ARHGAP26: variants seen among roughly 807,000 people sequenced by gnomAD.
ARHGAP26 encodes Rho GTPase activating protein 26.
Under a neutral mutation model 104.8 loss-of-function variants are expected in ARHGAP26, and 38 were observed. The observed-to-expected ratio is 0.36, with a 90% confidence interval of 0.28 to 0.48. The LOEUF is 0.48. Ranked by LOEUF, ARHGAP26 falls within the 20% of genes least tolerant of loss-of-function variation. The pLI is 0.99. For missense variants in ARHGAP26, 704 were observed against 947.9 expected (o/e 0.74, Z 3.38); for synonymous variants, 341 against 340.0 (o/e 1.00, Z -0.03).
At chr5:142,991,915 A>T (rs1481898563) in intron 11 of ARHGAP26, among the ~76,000 whole-genome samples, 1 of 152,218 alleles carries the variant, frequency 6.6e-6, no homozygotes, top group Non-Finnish European at 1.5e-5. Flanking sequence ...CTTCATGAAG[A>T]CTGTGCCAAT....
At chr5:142,825,637 C>G (rs749218177) in intron 1 of ARHGAP26, among the ~76,000 whole-genome samples, 2 of 152,156 alleles carry the variant, frequency 1.3e-5, no homozygotes, top group Non-Finnish European at 2.9e-5. Context: ...AATTCCTTAG[C>G]GGGACGATAC....
At chr5:143,100,194 C>T (rs964937769) in intron 17 of ARHGAP26, among the ~76,000 whole-genome samples, 28 of 152,084 alleles carry the variant, frequency 1.8e-4, no homozygotes, top group South Asian at 2.1e-4. Flanking sequence ...AATTGAGAGA[C>T]GTGAAATATC....
chr5:142,856,874 A>C (rs547803579), intron 1 of ARHGAP26, among the ~76,000 whole-genome samples: 1 of 152,334 alleles, frequency 6.6e-6, no homozygotes, highest in Non-Finnish European at 1.5e-5. Flanking sequence ...ACTAGTCCCC[A>C]TGGATCCCGA....
At chr5:142,884,133 A>G (rs1036816335) in intron 4 of ARHGAP26, among the ~76,000 whole-genome samples, 12 of 152,238 alleles carry the variant, frequency 7.9e-5, no homozygotes, top group African/African-American at 2.7e-4. Context: ...TTTATCAGCC[A>G]AGTGCCAACC....
intron 11 of ARHGAP26, among the ~76,000 whole-genome samples, chr5:143,011,344 T>A (rs1253654463): frequency 1.3e-5 from 2 of 149,568 alleles, no homozygotes; most frequent in African/African-American, 2.5e-5. Context: ...AATGTACTTA[T>A]CAATATTTGA....
intron 11 of ARHGAP26, among the ~76,000 whole-genome samples, chr5:143,013,077 CCAAG>C (rs1017466061): frequency 1.3e-5 from 2 of 152,038 alleles, no homozygotes; most frequent in Non-Finnish European, 2.9e-5. Context: ...AGCCCATAAG[CCAAG>C]CATCATATTT....
chr5:143,212,183 A>T (rs750853128), intron 21 of ARHGAP26, among the ~76,000 whole-genome samples: 2 of 152,052 alleles, frequency 1.3e-5, no homozygotes, highest in Non-Finnish European at 2.9e-5. Context: ...AGGCAGAAAT[A>T]CTGCCTCAAA....
At chr5:142,819,143 T>C (rs1186401849) in intron 1 of ARHGAP26, among the ~76,000 whole-genome samples, 1 of 152,224 alleles carries the variant, frequency 6.6e-6, no homozygotes, top group Non-Finnish European at 1.5e-5. Context: ...CTTACTTGCC[T>C]CTATGGACTG....
chr5:142,926,899 G>A (rs1047455537), intron 10 of ARHGAP26, among the ~76,000 whole-genome samples: 5 of 151,980 alleles, frequency 3.3e-5, no homozygotes, highest in South Asian at 2.1e-4. Context: ...AGCATTCATC[G>A]TGTGCCTGAC....
At chr5:142,944,171 G>T (rs1207149884) in intron 11 of ARHGAP26, among the ~76,000 whole-genome samples, 1 of 152,174 alleles carries the variant, frequency 6.6e-6, no homozygotes, top group Middle Eastern at 3.2e-3. Flanking sequence ...ATTCCCTCCA[G>T]AGCTTCTCCT....
At chr5:143,204,655 A>G (rs1299307520) in intron 20 of ARHGAP26, among the ~76,000 whole-genome samples, 2 of 152,164 alleles carry the variant, frequency 1.3e-5, no homozygotes, top group African/African-American at 4.8e-5. Context: ...GTTCTGGCCA[A>G]AAACCACTTA....
intron 12 of ARHGAP26, among the ~76,000 whole-genome samples, chr5:143,019,413 G>A (rs1406010453): frequency 3.9e-5 from 6 of 152,026 alleles, no homozygotes; most frequent in Non-Finnish European, 5.9e-5. Context: ...CTGCAGCCCC[G>A]TTTGCTGTAT....
In ARHGAP26 at chr5:143,227,105, C is replaced by G. The variant is rs927564867; in HGVS notation, c.*4659C>G. ...TCTGTTGGCACCTGTCATCCTCTGGCTTCTGCTCCCAAAAGCAAGTCTGGA... is the reference window on the plus strand; with the variant it reads ...TCTGTTGGCACCTGTCATCCTCTGGGTTCTGCTCCCAAAAGCAAGTCTGGA... On this transcript the variant is annotated 3_prime_UTR_variant, in exon 23 of 23. Transcript: ENST00000645722. 4.3e-6 allele frequency: 1 copy of G among 230,364 alleles called. No individual in the cohort carries two copies. Among genetic ancestry groups the G allele is most frequent in the Non-Finnish European group, 8.6e-6 (1 of 116,352 alleles). 14.3% of individuals were successfully genotyped at this position (230,364 alleles called of 1,614,324 possible).
At chr5:143,102,990 C>T (rs903994766) in intron 17 of ARHGAP26, among the ~76,000 whole-genome samples, 2 of 152,072 alleles carry the variant, frequency 1.3e-5, no homozygotes, top group African/African-American at 4.8e-5. Context: ...GGAGTCTGCC[C>T]AGCTTCACAG....
intron 12 of ARHGAP26, among the ~76,000 whole-genome samples, chr5:143,034,718 G>A (rs1782363855): frequency 6.6e-6 from 1 of 151,828 alleles, no homozygotes; most frequent in South Asian, 2.1e-4. Context: ...GTTAAAATGG[G>A]TAAACTTATG....
intron 8 of ARHGAP26, among the ~76,000 whole-genome samples, chr5:142,906,291 G>T (rs1412948814): frequency 6.6e-6 from 1 of 152,132 alleles, no homozygotes; most frequent in Middle Eastern, 3.2e-3. Context: ...CAATCTGAAG[G>T]TAACACCTTA....
chr5:142,818,269 G>A (rs2152061159), intron 1 of ARHGAP26, among the ~76,000 whole-genome samples: 1 of 151,010 alleles, frequency 6.6e-6, no homozygotes, highest in Admixed American at 6.6e-5. Flanking sequence ...CTGGGACCAA[G>A]CCAGGCTCCA....
chr5:142,912,230 A>G (rs1482552126), intron 9 of ARHGAP26, among the ~76,000 whole-genome samples: 2 of 152,248 alleles, frequency 1.3e-5, no homozygotes, highest in East Asian at 3.9e-4. Flanking sequence ...TCAACAATAA[A>G]GAGAAATAAG....
intron 21 of ARHGAP26, among the ~76,000 whole-genome samples, chr5:143,209,984 T>G (rs1167818556): frequency 1.3e-5 from 2 of 152,154 alleles, no homozygotes; most frequent in African/African-American, 2.4e-5. Flanking sequence ...TTCCAGAGCA[T>G]GAAGCTTCAG....
Sources: allele counts gnomAD v4.1 joint callset (sites outside exome capture counted in the v4.1 genomes callset), GRCh38; gene constraint gnomAD v4.1.1; transcripts MANE v1.5; gene names NCBI Gene and HGNC (gene_info 2026-07-23, HGNC 2026-07-21).